GLIPR1L2: variants seen among roughly 807,000 people sequenced by gnomAD.
The protein encoded by GLIPR1L2 is GLIPR1 like 2, also known as GLIPR1-like protein 2.
A neutral mutation model predicts 28.4 loss-of-function variants in GLIPR1L2; 21 were observed. That is an observed-to-expected ratio of 0.74 (90% CI 0.52 to 1.06). The LOEUF (loss-of-function observed/expected upper bound fraction) is 1.06. GLIPR1L2 is among the 50% of genes least tolerant of loss of function. The pLI is 0.00. For synonymous variants in GLIPR1L2, 145 were observed against 139.3 expected, an observed-to-expected ratio of 1.04 and a Z score of -0.29; for missense variants, 476 against 416.9, an observed-to-expected ratio of 1.14 and a Z score of -1.23.
chr12:75,399,640 C>T (rs1214395620), intron 1 of GLIPR1L2, among the ~76,000 whole-genome samples: 2 of 151,932 alleles, frequency 1.3e-5, no homozygotes, highest in East Asian at 1.9e-4. Context: ...ATGAGCCCTT[C>T]GTCTTTGGTA....
intron 2 of GLIPR1L2, among the ~76,000 whole-genome samples, chr12:75,412,459 A>G (rs1030931464): frequency 1.3e-5 from 2 of 152,092 alleles, no homozygotes; most frequent in Non-Finnish European, 2.9e-5. Flanking sequence ...ACAAAGGGCT[A>G]ATATCCAGAA....
intron 1 of GLIPR1L2, among the ~76,000 whole-genome samples, chr12:75,408,180 C>T (rs2045823449): frequency 6.6e-6 from 1 of 151,998 alleles, no homozygotes; most frequent in Admixed American, 6.6e-5. Flanking sequence ...TTAAATATCT[C>T]ATTAACTGCT....
intron 4 of GLIPR1L2, among the ~76,000 whole-genome samples, chr12:75,424,530 C>T (rs1039644610): frequency 7.2e-5 from 11 of 152,062 alleles, no homozygotes; most frequent in African/African-American, 2.7e-4. Flanking sequence ...ACTGTAACGT[C>T]GAATTCCTGG....
rs1374179509 is a variant in GLIPR1L2, at chr12:75,413,624, T to C, written c.507T>C (p.Val169=). ...TTGTTTGGGACCACTCTTACAAAGTTGGTTGTGCTGTTACTCCATGTTCAA... is the reference window on the plus strand; with the variant it reads ...TTGTTTGGGACCACTCTTACAAAGTCGGTTGTGCTGTTACTCCATGTTCAA... ...IQLVWDHSYK[V]GCAVTPCSKI... Residue 169 remains valine, a synonymous_variant, in exon 3 of 6, where the codon GTT becomes GTC. Transcript: ENST00000550916. 1 of 1,561,694 alleles carries C rather than the reference T, an allele frequency of 6.4e-7. No individual in the cohort carries two copies. The highest frequency in any genetic ancestry group is 8.6e-7 in the Non-Finnish European group (1 of 1,159,374).
intron 4 of GLIPR1L2, among the ~76,000 whole-genome samples, chr12:75,427,965 T>G (rs1219667536): frequency 6.6e-6 from 1 of 152,168 alleles, no homozygotes; most frequent in Non-Finnish European, 1.5e-5. Context: ...TTTTTAGCAG[T>G]GTGAAAATCA....
intron 4 of GLIPR1L2, 186 bp downstream of exon 4, chr12:75,423,175 C>T (rs2045996821): frequency 6.9e-7 from 1 of 1,454,894 alleles, no homozygotes; most frequent in African/African-American, 1.4e-5. Context: ...AGAGCTTTTT[C>T]TGTTCTATCT....
At chr12:75,405,915 A>G (rs12810889) in intron 1 of GLIPR1L2, among the ~76,000 whole-genome samples, 25,625 of 151,918 alleles carry the variant, frequency 0.17, 2,347 homozygotes, top group Admixed American at 0.24. Context: ...CTGATGCAAA[A>G]CTAGAATTTG....
chr12:75,410,608 T>G lies in GLIPR1L2; in HGVS notation c.409T>G (p.Trp137Gly). The change falls in exon 2 of 6, where the codon TGG (tryptophan) becomes GGG (glycine). Residue 137 changes from tryptophan to glycine, a missense_variant. By Grantham distance (184) the Trp-to-Gly change is radical. Transcript: ENST00000550916. ...EFTASIAIRSWHAEKKMYNFE... is the reference protein window; with the variant it reads ...EFTASIAIRSGHAEKKMYNFE... Reference sequence around the variant, plus strand: ...TACTGCAAGTATTGCTATCAGAAGTTGGCATGCAGAGAAGAAAATGTACAA... The same window carrying G: ...TACTGCAAGTATTGCTATCAGAAGTGGGCATGCAGAGAAGAAAATGTACAA... 6.2e-7 allele frequency: 1 copy of G among 1,612,162 alleles called. No homozygotes were observed. The highest frequency in any genetic ancestry group is 8.5e-7 in the Non-Finnish European group (1 of 1,178,736).
chr12:75,412,518 T>C (rs2045879032), intron 2 of GLIPR1L2, among the ~76,000 whole-genome samples: 1 of 151,744 alleles, frequency 6.6e-6, no homozygotes, highest in Non-Finnish European at 1.5e-5. Context: ...AACAACCCCA[T>C]CCAAAAGTGG....
At chr12:75,414,616 A>C (rs967781809) in intron 3 of GLIPR1L2, among the ~76,000 whole-genome samples, 1 of 152,118 alleles carries the variant, frequency 6.6e-6, no homozygotes, top group African/African-American at 2.4e-5. Context: ...ATGCAAAATA[A>C]GTTTGGAATA....
Position 75,391,149 on chromosome 12 carries a change from G to T in GLIPR1L2, c.33G>T (p.Trp11Cys). The change falls in exon 1 of 6, where the codon TGG (tryptophan) becomes TGT (cysteine). Residue 11 changes from tryptophan to cysteine, a missense_variant. By Grantham distance (215) the Trp-to-Cys change is radical (BLOSUM62 -2). Transcript: ENST00000550916. MEAARPFARE[W>C]RAQSLPLAVG... ...CCGCAAGGCCCTTCGCCCGGGAGTG[G>T]AGGGCCCAGTCCCTACCCCTGGCAG... 1 of 1,614,028 alleles carries T rather than the reference G, an allele frequency of 6.2e-7. No individual in the cohort carries two copies. Among genetic ancestry groups the T allele is most frequent in the Non-Finnish European group, 8.5e-7 (1 of 1,179,978 alleles).
intron 3 of GLIPR1L2, 73 bp from the exon 4 acceptor site, chr12:75,422,831 A>G (rs1223310122): frequency 1.5e-5 from 18 of 1,219,248 alleles, no homozygotes; most frequent in Non-Finnish European, 1.9e-5. Flanking sequence ...AAAATTAGTA[A>G]CTATATTATT....
chr12:75,414,650 G>A (rs1490471905), intron 3 of GLIPR1L2, among the ~76,000 whole-genome samples: 2 of 152,076 alleles, frequency 1.3e-5, no homozygotes, highest in African/African-American at 4.8e-5. Flanking sequence ...CATTTTAGGT[G>A]TCCTTTCACT....
chr12:75,430,428 A>G (rs7300345), intron 4 of GLIPR1L2, among the ~76,000 whole-genome samples: 53,036 of 152,102 alleles, frequency 0.35, 9,626 homozygotes, highest in East Asian at 0.46. Context: ...AATATTTTAA[A>G]GGCAGAAGTG....
intron 1 of GLIPR1L2, among the ~76,000 whole-genome samples, chr12:75,395,195 A>G (rs2045670362): frequency 6.6e-6 from 1 of 152,038 alleles, no homozygotes; most frequent in Non-Finnish European, 1.5e-5. Flanking sequence ...CTATGTGGCT[A>G]CATTTCTTCA....
chr12:75,417,151 G>T (rs1241082021), intron 3 of GLIPR1L2, among the ~76,000 whole-genome samples: 1 of 152,032 alleles, frequency 6.6e-6, no homozygotes, highest in Non-Finnish European at 1.5e-5. Flanking sequence ...TTAATATAAG[G>T]ATCTTGAGAG....
At chr12:75,396,473 G>T (rs926847922) in intron 1 of GLIPR1L2, among the ~76,000 whole-genome samples, 1 of 152,152 alleles carries the variant, frequency 6.6e-6, no homozygotes, top group African/African-American at 2.4e-5. Context: ...CCTAAAATAC[G>T]TCTTTTAATA....
At chr12:75,405,650 TG>T (rs2045790108) in intron 1 of GLIPR1L2, among the ~76,000 whole-genome samples, 1 of 38,546 alleles carries the variant, frequency 2.6e-5, no homozygotes, top group East Asian at 1.1e-3. Context: ...TTTGTCAGTT[TG>T]CCAGTTTGCC....
chr12:75,431,352 A>C lies in GLIPR1L2; in HGVS notation c.*191A>C, dbSNP rs1455477392. On this transcript the variant is annotated 3_prime_UTR_variant, in exon 6 of 6. Coordinates refer to ENST00000550916, the MANE Select transcript of GLIPR1L2 (RefSeq NM_001270396.2). ...ATCAATTTAAATTTGTAAAACAAAG[A>C]AACAAAAAACATGTAAGGTGGGCTC... is the stretch of plus-strand genomic sequence containing the variant. 1 of 468,998 alleles carries C rather than the reference A, an allele frequency of 2.1e-6. No homozygotes were observed. Among genetic ancestry groups the C allele is most frequent in the African/African-American group, 2.0e-5 (1 of 50,296 alleles). 29.1% of individuals were successfully genotyped at this position (468,998 alleles called of 1,614,324 possible).
Sources: gnomAD v4.1 joint callset for allele counts (sites outside exome capture counted in the v4.1 genomes callset) on GRCh38, gnomAD v4.1.1 for gene constraint, MANE v1.5 for transcripts, NCBI Gene and HGNC (gene_info 2026-07-23, HGNC 2026-07-21) for gene names.